The following RBFOX1 variants were observed in gnomAD, a reference collection of about 807,000 sequenced individuals.
RBFOX1 encodes RNA binding fox-1 homolog 1, also known as RNA binding protein fox-1 homolog 1.
A neutral mutation model predicts 57.7 loss-of-function variants in RBFOX1; 8 were observed. The observed-to-expected ratio is 0.14, with a 90% CI of 0.08 to 0.25. The LOEUF is 0.25. Ranked by LOEUF, RBFOX1 falls within the 10% of genes least tolerant of loss-of-function variation. The pLI, the probability that RBFOX1 is intolerant of heterozygous loss-of-function variation, is 1.00. For synonymous variants in RBFOX1, 326 were observed against 222.4 expected (o/e 1.47, Z -4.15); for missense variants, 611 against 548.5 (o/e 1.11, Z -1.14).
chr16:6,945,106 C>T (rs1658737419), intron 3 of RBFOX1, among the ~76,000 whole-genome samples: 1 of 152,082 alleles, frequency 6.6e-6, no homozygotes, highest in Non-Finnish European at 1.5e-5. Context: ...CACCCAACGT[C>T]CCTTTGCTAG....
At chr16:6,173,215 T>A (rs2096975065) in intron 1 of RBFOX1, among the ~76,000 whole-genome samples, 1 of 152,038 alleles carries the variant, frequency 6.6e-6, no homozygotes, top group African/African-American at 2.4e-5. Context: ...CGTGGACACT[T>A]CTGAGGGGTG....
At chr16:7,131,364 T>TAA (rs35050100) in intron 4 of RBFOX1, among the ~76,000 whole-genome samples, 9 of 83,290 alleles carry the variant, frequency 1.1e-4, no homozygotes, top group African/African-American at 2.3e-4. Flanking sequence ...TTTTTTTTTT[T>TAA]AAAAAAAAAA....
chr16:5,473,495 T>G (rs2069209555), intron 2 of RBFOX1, among the ~76,000 whole-genome samples: 1 of 152,100 alleles, frequency 6.6e-6, no homozygotes, highest in South Asian at 2.1e-4. Context: ...CAGTACCTTG[T>G]GTAGTACTTA....
intron 4 of RBFOX1, among the ~76,000 whole-genome samples, chr16:5,962,645 A>G (rs2059771586): frequency 1.3e-5 from 2 of 152,182 alleles, no homozygotes; most frequent in South Asian, 4.1e-4. Context: ...GATGATATGT[A>G]AAGCACTGAG....
chr16:7,357,181 C>G (rs553424942), intron 4 of RBFOX1, among the ~76,000 whole-genome samples: 1 of 150,222 alleles, frequency 6.7e-6, no homozygotes, highest in African/African-American at 2.5e-5. Context: ...TTGAATTCTG[C>G]AAGCATACAC....
chr16:5,544,069 T>G (rs1176620422), intron 2 of RBFOX1, among the ~76,000 whole-genome samples: 1 of 152,186 alleles, frequency 6.6e-6, no homozygotes, highest in African/African-American at 2.4e-5. Flanking sequence ...CAGTTTGACC[T>G]AACTGAAGCT....
At chr16:5,355,114 AG>A (rs1178970964) in intron 1 of RBFOX1, among the ~76,000 whole-genome samples, 1 of 152,144 alleles carries the variant, frequency 6.6e-6, no homozygotes, top group Non-Finnish European at 1.5e-5. Context: ...ATTCAATACT[AG>A]GGTCGTCTTA....
chr16:6,233,008 A>G (rs1239492099), intron 1 of RBFOX1, among the ~76,000 whole-genome samples: 3 of 152,144 alleles, frequency 2.0e-5, no homozygotes, highest in Non-Finnish European at 4.4e-5. Flanking sequence ...CGCCATTCCC[A>G]TTGAATTCTA....
chr16:5,632,543 G>A (rs2048547050), intron 3 of RBFOX1: 1 of 152,196 alleles, frequency 6.6e-6, no homozygotes, highest in African/African-American at 2.4e-5. Flanking sequence ...TGTAGGAACA[G>A]TTGAATTTTG....
At chr16:7,550,675 T>C (rs779395993) in intron 5 of RBFOX1, among the ~76,000 whole-genome samples, 9 of 152,156 alleles carry the variant, frequency 5.9e-5, no homozygotes, top group Non-Finnish European at 1.0e-4. Context: ...ACTATGCCTC[T>C]GGACGAATAT....
At chr16:5,726,219 G>A (rs140390533) in intron 3 of RBFOX1, among the ~76,000 whole-genome samples, 2 of 151,842 alleles carry the variant, frequency 1.3e-5, no homozygotes, top group Non-Finnish European at 2.9e-5. Flanking sequence ...TTCTAGATCA[G>A]ATGCCTCCCC....
Position 7,276,073 on chromosome 16 carries a change from A to G in RBFOX1, c.27+223975A>G, listed in dbSNP as rs146614096. On this transcript the variant is annotated intron_variant, in intron 4 of 15. Transcript: ENST00000550418. ...TGAAAAGGCAATAAAGAAACTCCTA[A>G]ACATACCTCTTTGTCCATAAATGGA... is the stretch of plus-strand genomic sequence containing the variant. Among the ~76,000 whole-genome samples, 394 of 152,326 alleles carry G rather than the reference A, an allele frequency of 2.6e-3. 2 individuals carry two copies. The highest frequency in any genetic ancestry group is 4.7e-3 in the Non-Finnish European group (320 of 68,032).
chr16:6,861,822 G>GTTTTTTTTTTTTTT (rs1285793325), intron 3 of RBFOX1, among the ~76,000 whole-genome samples: 2 of 65,566 alleles, frequency 3.1e-5, no homozygotes, highest in Non-Finnish European at 5.6e-5. Flanking sequence ...AGCGTCCCTT[G>GTTTTTTTTTTTTTT]GTTTTTTTTT....
At chr16:6,670,017 C>T (rs1229568542) in intron 3 of RBFOX1, among the ~76,000 whole-genome samples, 2 of 152,138 alleles carry the variant, frequency 1.3e-5, no homozygotes, top group Admixed American at 6.6e-5. Context: ...GTCTATCTAT[C>T]TATCTGTCTA....
At chr16:6,640,077 T>C (rs2098474899) in intron 2 of RBFOX1, among the ~76,000 whole-genome samples, 1 of 152,152 alleles carries the variant, frequency 6.6e-6, no homozygotes, top group African/African-American at 2.4e-5. Context: ...CGAAAAGCCA[T>C]ATAAATATTA....
rs148440061 is a variant in RBFOX1 at position 5,286,456 on chromosome 16, C to T, written c.219+46351C>T. Among the ~76,000 whole-genome samples, 306 of 152,276 alleles carry T rather than the reference C, an allele frequency of 2.0e-3. 2 individuals are homozygous for T. Among genetic ancestry groups the T allele is most frequent in the African/African-American group, 6.8e-3 (281 of 41,546 alleles). On this transcript the variant is annotated intron_variant, in intron 1 of 2. Coordinates refer to the RBFOX1 transcript ENST00000585867. ...CTCTGGAGGCAGGGGAGTCAGTCTC[C>T]AGGCCCCCAGATGGTACATTCAGGC...
Position 7,247,170 on chromosome 16 carries a change from C to A in RBFOX1, c.27+195072C>A, listed in dbSNP as rs150649209. Reference sequence around the variant, plus strand: ...GAACTCTGGTCCCTGTGTCTCAAGTCCTCTGCTGGAGAATAGTAGCTAGTC... The same window carrying A: ...GAACTCTGGTCCCTGTGTCTCAAGTACTCTGCTGGAGAATAGTAGCTAGTC... On this transcript the variant is annotated intron_variant, in intron 4 of 15. Coordinates refer to ENST00000550418, the MANE Select transcript of RBFOX1 (RefSeq NM_018723.4). Among the ~76,000 whole-genome samples, 225 of 152,192 alleles carry A rather than the reference C, an allele frequency of 1.5e-3. 1 individual carries two copies. The highest frequency in any genetic ancestry group is 2.7e-3 in the Non-Finnish European group (181 of 68,022).
intron 4 of RBFOX1, among the ~76,000 whole-genome samples, chr16:7,211,448 G>A (rs1330728392): frequency 6.6e-6 from 1 of 150,440 alleles, no homozygotes; most frequent in Non-Finnish European, 1.5e-5. Context: ...CGTTTATCCA[G>A]TGGGCTGGTA....
At chr16:7,088,834 C>G (rs1037753417) in intron 4 of RBFOX1, among the ~76,000 whole-genome samples, 1 of 152,138 alleles carries the variant, frequency 6.6e-6, no homozygotes, top group African/African-American at 2.4e-5. Flanking sequence ...TTTCGAGGTT[C>G]AACTCAACCT....
Sources: gnomAD v4.1 joint callset for allele counts (sites outside exome capture counted in the v4.1 genomes callset) on GRCh38, gnomAD v4.1.1 for gene constraint, MANE v1.5 for transcripts, NCBI Gene and HGNC (gene_info 2026-07-23, HGNC 2026-07-21) for gene names.